The following FBXW8 variants were observed in gnomAD, a reference collection of about 807,000 sequenced individuals.
FBXW8 encodes F-box/WD repeat-containing protein 8.
FBXW8 carries 57 observed loss-of-function variants against 65.3 expected under a neutral mutation model. That is an observed-to-expected ratio of 0.87 (90% CI 0.71 to 1.09). The LOEUF is 1.09. Among genes scored for constraint, FBXW8 ranks in the 50% least tolerant of loss-of-function variants. The pLI is 0.00. For synonymous variants in FBXW8, 308 were observed against 330.2 expected (o/e 0.93, Z 0.73); for missense variants, 777 against 814.8 (o/e 0.95, Z 0.57).
chr12:116,929,204 C>T (rs1025825765), intron 2 of FBXW8, among the ~76,000 whole-genome samples: 3 of 152,038 alleles, frequency 2.0e-5, no homozygotes, highest in African/African-American at 7.2e-5. Context: ...TTCTCTTGTT[C>T]TCGTCTTTTT....
chr12:116,976,152 A>G (rs1884913732), intron 5 of FBXW8, among the ~76,000 whole-genome samples: 1 of 152,218 alleles, frequency 6.6e-6, no homozygotes, highest in African/African-American at 2.4e-5. Context: ...ATTAAATAAG[A>G]CTGGATTTTT....
intron 2 of FBXW8, among the ~76,000 whole-genome samples, chr12:116,931,112 A>G (rs1881738904): frequency 6.6e-6 from 1 of 152,248 alleles, no homozygotes. Flanking sequence ...GTGGATATCC[A>G]GTTCTCACAA....
chr12:116,974,984 T>C (rs1884837675), intron 5 of FBXW8, among the ~76,000 whole-genome samples: 1 of 152,166 alleles, frequency 6.6e-6, no homozygotes, highest in Non-Finnish European at 1.5e-5. Context: ...GAAGGACAAC[T>C]TGAGCAACAA....
chr12:116,980,513 AGG>A, intron 5 of FBXW8: 1 of 152,340 alleles, frequency 6.6e-6, no homozygotes, highest in African/African-American at 2.4e-5. Flanking sequence ...GAGAGGGAAA[AGG>A]ACACAGTCTT....
chr12:116,960,347 T>C (rs2137380455), intron 4 of FBXW8, among the ~76,000 whole-genome samples: 1 of 152,318 alleles, frequency 6.6e-6, no homozygotes, highest in Admixed American at 6.5e-5. Context: ...TGCTGAGTCA[T>C]AATGCAGTAC....
Position 117,028,314 on chromosome 12 carries a change from C to T in FBXW8, c.*142C>T, listed in dbSNP as rs1954288258. On this transcript the variant is annotated 3_prime_UTR_variant, in exon 11 of 11. Coordinates refer to ENST00000652555, the MANE Select transcript of FBXW8 (RefSeq NM_153348.3). This position sits in a 1 kb window ranked among gnomAD's most constrained non-coding sequence, Gnocchi z 4.1. ...GTGCCATGCCTGACAGCACGCATCT[C>T]CCTGACCCCTGCACTTCCCCCAGCG... 1 of 1,004,762 alleles carries T rather than the reference C, an allele frequency of 1.0e-6. No individual in the cohort carries two copies. Among genetic ancestry groups the T allele is most frequent in the East Asian group, 2.6e-5 (1 of 38,054 alleles). The allele number at this position is 1,004,762 out of a possible 1,614,324, so 62.2% of individuals were successfully genotyped here.
chr12:117,025,440 A>G (rs1954200437), intron 9 of FBXW8, among the ~76,000 whole-genome samples: 1 of 152,168 alleles, frequency 6.6e-6, no homozygotes, highest in African/African-American at 2.4e-5. Flanking sequence ...TTCCCCACTT[A>G]CCGCAAATCA....
chr12:117,019,213 A>C (rs544799795), intron 8 of FBXW8, among the ~76,000 whole-genome samples: 17 of 152,292 alleles, frequency 1.1e-4, no homozygotes, highest in African/African-American at 3.8e-4. Context: ...GTAGCAACGG[A>C]CCTATTATGT....
intron 8 of FBXW8, among the ~76,000 whole-genome samples, chr12:117,015,016 C>A (rs779655368): frequency 6.6e-6 from 1 of 152,162 alleles, no homozygotes; most frequent in Non-Finnish European, 1.5e-5. Context: ...GGGGACTGTC[C>A]TTGGGGCACA....
chr12:117,002,220 T>C (rs150441635), intron 7 of FBXW8, among the ~76,000 whole-genome samples: 137 of 152,358 alleles, frequency 9.0e-4, no homozygotes, highest in African/African-American at 3.2e-3. Flanking sequence ...TGCAGGTGCA[T>C]TGGCACGTGG....
chr12:116,927,216 T>C (rs995161769), intron 1 of FBXW8, among the ~76,000 whole-genome samples: 3 of 152,188 alleles, frequency 2.0e-5, no homozygotes, highest in Non-Finnish European at 4.4e-5. Context: ...CACACTCATA[T>C]TTCTTTGTGC....
intron 2 of FBXW8, among the ~76,000 whole-genome samples, chr12:116,938,811 G>A (rs1882349383): frequency 6.6e-6 from 1 of 152,202 alleles, no homozygotes; most frequent in African/African-American, 2.4e-5. Flanking sequence ...TAATTTAAAA[G>A]ATTGCTTCCC....
chr12:116,919,950 A>G (rs1880753317), intron 1 of FBXW8, among the ~76,000 whole-genome samples: 2 of 152,254 alleles, frequency 1.3e-5, no homozygotes, highest in South Asian at 2.1e-4. Flanking sequence ...TTAAACACAA[A>G]TAAGTAAGCT....
rs17616800 is a variant in FBXW8 at position 117,005,329 on chromosome 12, C to T, written c.1240-4994C>T. Among the ~76,000 whole-genome samples the T allele has an allele frequency of 9.7e-4, 148 of 152,254 alleles. 3 individuals carry two copies. In the East Asian group the frequency reaches 0.025, roughly 26 times the overall value. ...ACAAATGCAGGCACTTAGTGAGATG[C>T]GGGAATGTGTAACTGACACTGTACC... On this transcript the variant is annotated intron_variant, in intron 7 of 10. Coordinates refer to ENST00000652555, the MANE Select transcript of FBXW8 (RefSeq NM_153348.3).
At chr12:116,965,168 A>G (rs1487171696) in intron 5 of FBXW8, among the ~76,000 whole-genome samples, 1 of 152,250 alleles carries the variant, frequency 6.6e-6, no homozygotes, top group Non-Finnish European at 1.5e-5. Flanking sequence ...GATGTAAAAT[A>G]TTAAATATAC....
intron 1 of FBXW8, among the ~76,000 whole-genome samples, chr12:116,923,621 T>C (rs556788272): frequency 3.1e-4 from 47 of 152,146 alleles, no homozygotes; most frequent in African/African-American, 1.1e-3. Context: ...CCTGCCGGGT[T>C]CACGCCATTC....
At chr12:116,986,819 C>G (rs915203670) in intron 6 of FBXW8, 1 of 152,208 alleles carries the variant, frequency 6.6e-6, no homozygotes, top group Non-Finnish European at 1.5e-5. Context: ...ATGGCACCAC[C>G]ACTGTCAATC....
At chr12:116,927,123 A>G (rs1881387442) in intron 1 of FBXW8, among the ~76,000 whole-genome samples, 1 of 152,186 alleles carries the variant, frequency 6.6e-6, no homozygotes, top group South Asian at 2.1e-4. Context: ...TTGCAGAAGC[A>G]CATACCAAAG....
intron 1 of FBXW8, among the ~76,000 whole-genome samples, chr12:116,918,785 A>C (rs905717346): frequency 6.6e-6 from 1 of 152,136 alleles, no homozygotes; most frequent in Non-Finnish European, 1.5e-5. Flanking sequence ...TGGTTTCCTA[A>C]ATAGAGGAAG....
Sources: allele counts gnomAD v4.1 joint callset (sites outside exome capture counted in the v4.1 genomes callset), GRCh38; gene constraint gnomAD v4.1.1; non-coding constraint Gnocchi (gnomAD v3.1); transcripts MANE v1.5; gene names NCBI Gene and HGNC (gene_info 2026-07-23, HGNC 2026-07-21).